Variants in DNAH3 observed in about 807,000 individuals in gnomAD.
The protein encoded by DNAH3 is dynein axonemal heavy chain 3.
In DNAH3, 332 loss-of-function variants were observed where a neutral mutation model predicts 432.5. The observed-to-expected ratio is 0.77, with a 90% CI of 0.70 to 0.84. The LOEUF (loss-of-function observed/expected upper bound fraction) is 0.84, where lower values mean the gene tolerates loss of function less well. DNAH3 is among the 40% of genes least tolerant of loss of function. The probability of loss-of-function intolerance (pLI) is 0.00; values close to 1 mark genes in which losing one functional copy is unlikely to be tolerated. For missense variants in DNAH3, 4,861 were observed against 5,114.0 expected (o/e 0.95, Z 1.51); for synonymous variants, 1,956 against 1,900.2 (o/e 1.03, Z -0.76).
intron 12 of DNAH3, among the ~76,000 whole-genome samples, chr16:21,115,598 T>C (rs1380661717): frequency 6.6e-6 from 1 of 151,688 alleles, no homozygotes; most frequent in Non-Finnish European, 1.5e-5. Context: ...TCCCAACTAC[T>C]TGGGAGGCTG....
At chr16:21,093,359 T>C (rs974800581) in intron 18 of DNAH3, among the ~76,000 whole-genome samples, 1 of 152,162 alleles carries the variant, frequency 6.6e-6, no homozygotes, top group Non-Finnish European at 1.5e-5. Flanking sequence ...TATGTATAAA[T>C]TTAACAAAAC....
chr16:21,155,436 A>G (rs1341509847), intron 1 of DNAH3, among the ~76,000 whole-genome samples: 6 of 151,914 alleles, frequency 3.9e-5, no homozygotes, highest in Non-Finnish European at 5.9e-5. Context: ...AGCCTGACCA[A>G]CATGGTGAAA....
intron 18 of DNAH3, among the ~76,000 whole-genome samples, chr16:21,087,560 T>C (rs944076770): frequency 6.6e-6 from 1 of 152,098 alleles, no homozygotes; most frequent in African/African-American, 2.4e-5. Context: ...AAAATTGTTA[T>C]TATTGGTTTT....
At chr16:21,119,072 C>A (rs1225472177) in intron 11 of DNAH3, among the ~76,000 whole-genome samples, 1 of 152,168 alleles carries the variant, frequency 6.6e-6, no homozygotes, top group Non-Finnish European at 1.5e-5. Flanking sequence ...AGTGGAGGAG[C>A]AACTTCTTTG....
intron 23 of DNAH3, among the ~76,000 whole-genome samples, chr16:21,067,776 G>GGAGA (rs60889532): frequency 7.3e-4 from 30 of 40,896 alleles, no homozygotes; most frequent in African/African-American, 2.7e-3. Context: ...GGGTGGGGAG[G>GGAGA]GAGAGAGAGA....
chr16:21,003,347 T>C (rs1209803071), intron 41 of DNAH3, 140 bp from the exon 42 acceptor site: 3 of 601,662 alleles, frequency 5.0e-6, no homozygotes, highest in East Asian at 2.8e-5. Context: ...GTGAAACTTA[T>C]ACATTGCTGG....
At chr16:21,157,510 AG>A (rs2152838729) in intron 1 of DNAH3, among the ~76,000 whole-genome samples, 1 of 151,980 alleles carries the variant, frequency 6.6e-6, no homozygotes, top group South Asian at 2.1e-4. Context: ...TTATATTTTT[AG>A]TAGAGATGGG....
intron 1 of DNAH3, among the ~76,000 whole-genome samples, chr16:21,152,493 G>T (rs1055137744): frequency 2.0e-5 from 3 of 152,252 alleles, no homozygotes; most frequent in Non-Finnish European, 4.4e-5. Context: ...TCCCACTTTG[G>T]CGGCACTTGA....
chr16:20,978,126 A>G (rs960111038), intron 50 of DNAH3, among the ~76,000 whole-genome samples: 2 of 152,192 alleles, frequency 1.3e-5, no homozygotes, highest in African/African-American at 4.8e-5. Flanking sequence ...TTAATTAATA[A>G]CTCATGTGCC....
chr16:21,151,065 G>A (rs1038976416), intron 1 of DNAH3, among the ~76,000 whole-genome samples: 7 of 152,160 alleles, frequency 4.6e-5, no homozygotes, highest in African/African-American at 1.4e-4. Context: ...TGGAGACGTC[G>A]AAAAGCACAG....
intron 19 of DNAH3, among the ~76,000 whole-genome samples, chr16:21,086,182 C>T (rs2091366288): frequency 6.6e-6 from 1 of 152,222 alleles, no homozygotes; most frequent in African/African-American, 2.4e-5. Flanking sequence ...AAGGCCATTG[C>T]TAGCCCTTGG....
At chr16:21,016,974 T>C (rs1177643128) in intron 41 of DNAH3, among the ~76,000 whole-genome samples, 1 of 151,942 alleles carries the variant, frequency 6.6e-6, no homozygotes, top group Non-Finnish European at 1.5e-5. Context: ...TGACAGAAAG[T>C]AGAATGGTTA....
chr16:21,020,348 G>GTGTGTGTGTGTGTATATA lies in DNAH3; in HGVS notation c.5777-480_5777-479insTATATACACACACACACA. The stretch of plus-strand genomic sequence containing the variant: ...ACTGCTGTATAATAATATAGTGTGT[G>GTGTGTGTGTGTGTATATA]TATATATATATATATATATAAAATC... On this transcript the variant is annotated intron_variant, in intron 40 of 61. Transcript: ENST00000261383. Among the ~76,000 whole-genome samples the GTGTGTGTGTGTGTATATA allele has an allele frequency of 2.6e-4, 18 of 69,156 alleles. No homozygotes were observed. In the South Asian group the frequency reaches 0.011, roughly 44 times the overall value. The allele number at this position is 69,156 out of a possible 152,430, so 45.4% of individuals were successfully genotyped here.
chr16:20,988,031 G>C (rs2152674696), exon 45 of DNAH3: 1 of 1,614,132 alleles, frequency 6.2e-7, no homozygotes, highest in Non-Finnish European at 8.5e-7. Flanking sequence ...CAAAGGCATT[G>C]ATGGAAATGA....
chr16:21,149,340 AC>A (rs1271006747), intron 1 of DNAH3, among the ~76,000 whole-genome samples: 3 of 152,204 alleles, frequency 2.0e-5, no homozygotes, highest in Non-Finnish European at 4.4e-5. Flanking sequence ...GTTATTATCT[AC>A]AAATCCACTT....
intron 44 of DNAH3, 111 bp downstream of exon 44, chr16:20,997,172 G>C: frequency 9.7e-7 from 1 of 1,031,120 alleles, no homozygotes; most frequent in Non-Finnish European, 1.4e-6. Context: ...CCATGCTCCT[G>C]CCACGTGGTT....
chr16:21,040,964 T>C (rs1282625936), intron 32 of DNAH3, among the ~76,000 whole-genome samples: 1 of 152,172 alleles, frequency 6.6e-6, no homozygotes, highest in African/African-American at 2.4e-5. Flanking sequence ...CCTGACACCA[T>C]GCCTGGGTGC....
At chr16:20,950,281 C>T (rs544013388) in intron 56 of DNAH3, among the ~76,000 whole-genome samples, 1 of 152,200 alleles carries the variant, frequency 6.6e-6, no homozygotes, top group East Asian at 1.9e-4. Context: ...TGGCACTGAA[C>T]TTAATCACTG....
intron 52 of DNAH3, among the ~76,000 whole-genome samples, chr16:20,967,256 T>A (rs2085104326): frequency 1.3e-5 from 2 of 152,184 alleles, no homozygotes; most frequent in Admixed American, 1.3e-4. Flanking sequence ...ACTCACTCAA[T>A]TCCATGGTTT....
Sources: allele counts gnomAD v4.1 joint callset (sites outside exome capture counted in the v4.1 genomes callset), GRCh38; gene constraint gnomAD v4.1.1; transcripts MANE v1.5; gene names NCBI Gene and HGNC (gene_info 2026-07-23, HGNC 2026-07-21).